The following MAP1S variants were observed in gnomAD, a reference collection of about 807,000 sequenced individuals.
MAP1S encodes the protein microtubule-associated protein 1S.
In MAP1S, 27 loss-of-function variants were observed where a neutral mutation model predicts 60.9. The ratio of observed to expected loss-of-function variants is 0.44; its 90% CI spans 0.33 to 0.61. The LOEUF (loss-of-function observed/expected upper bound fraction) is 0.61, where lower values mean the gene tolerates loss of function less well. Ranked by LOEUF, MAP1S falls within the 20% of genes least tolerant of loss-of-function variation. MAP1S has a pLI of 0.03. For missense variants in MAP1S, 1,608 were observed against 1,486.6 expected (o/e 1.08, Z -1.34); for synonymous variants, 826 against 694.2 (o/e 1.19, Z -2.98).
At chr19:17,719,935 C>T (rs912039686) in intron 1 of MAP1S, 4 of 192,532 alleles carry the variant, frequency 2.1e-5, no homozygotes, top group Admixed American at 6.5e-5. Context: ...TGGACCACGG[C>T]TCCGCTTCCC....
In MAP1S at chr19:17,726,677, G is replaced by A. The variant is rs1427367172; in HGVS notation, c.1293G>A (p.Leu431=). Reference sequence around the variant, plus strand: ...CCGGCGAGAAGGTGGTGCGCGTGCTGTTCCCCGGTTGCACCCCGCCCGCCT... The same window carrying A: ...CCGGCGAGAAGGTGGTGCGCGTGCTATTCCCCGGTTGCACCCCGCCCGCCT... ...AGPGEKVVRV[L]FPGCTPPACL... Residue 431 remains leucine (L), a synonymous_variant, in exon 5 of 7, where the codon CTG becomes CTA. Transcript: ENST00000324096. 6.3e-7 allele frequency: 1 copy of A among 1,583,496 alleles called. No homozygotes were observed.
rs746567770 is a variant in MAP1S, at chr19:17,726,922, G to C, written c.1538G>C (p.Arg513Pro). ...RKEPARAEAP[R>P]KTEKEAKTPR... is the part of the protein sequence containing the mutation. Reference sequence around the variant, plus strand: ...GAGCCAGCACGGGCTGAGGCCCCACGCAAGACTGAGAAAGAAGCCAAGACC... The same window carrying C: ...GAGCCAGCACGGGCTGAGGCCCCACCCAAGACTGAGAAAGAAGCCAAGACC... Residue 513 changes from arginine to proline, a missense_variant, in exon 5 of 7, where the codon CGC becomes CCC. Around this residue, in one of 4 missense-constraint regions of MAP1S, gnomAD observed 1,167 missense variants for 961.4 expected, o/e 1.21. Transcript: ENST00000324096. 5.1e-6 allele frequency: 8 copies of C among 1,566,530 alleles called. No homozygotes were observed. The highest frequency in any genetic ancestry group is 4.7e-5 in the East Asian group (2 of 42,404).
At chr19:17,728,202 G>C (rs1158991301) in intron 5 of MAP1S, 30 bp downstream of exon 5, 1 of 1,534,220 alleles carries the variant, frequency 6.5e-7, no homozygotes, top group South Asian at 1.3e-5. Flanking sequence ...CCCTGGGCTG[G>C]GTTAGCAGCT....
chr19:17,731,393 C>G (rs746512180), intron 5 of MAP1S, among the ~76,000 whole-genome samples: 1 of 152,192 alleles, frequency 6.6e-6, no homozygotes, highest in Non-Finnish European at 1.5e-5. Context: ...GTTTGGAACG[C>G]TTGTTGAAGA....
At chr19:17,720,565 G>GCCCTTCCCCCTC in intron 1 of MAP1S, 1 of 1,430,268 alleles carries the variant, frequency 7.0e-7, no homozygotes, top group Non-Finnish European at 9.2e-7. Flanking sequence ...TGCTGAGGGG[G>GCCCTTCCCCCTC]AAGGGCCCCC....
Position 17,727,640 on chromosome 19 carries a change from A to G in MAP1S, c.2256A>G (p.Pro752=). ...AATTTGAGCATCGCAAGGCGGTGCC[A>G]ATGGCACCGGCACCTGCGTCCCCCG... ...PCEFEHRKAV[P]MAPAPASPGS... Residue 752 remains proline, a synonymous_variant, in exon 5 of 7, where the codon CCA becomes CCG. Coordinates refer to ENST00000324096, the MANE Select transcript of MAP1S (RefSeq NM_018174.6). This position sits in a 1 kb window ranked among gnomAD's most constrained non-coding sequence, Gnocchi z 4.1. The G allele has an allele frequency of 6.2e-7, 1 of 1,608,300 alleles. No homozygotes were observed. Among genetic ancestry groups the G allele is most frequent in the Non-Finnish European group, 8.5e-7 (1 of 1,179,694 alleles).
intron 1 of MAP1S, 141 bp downstream of exon 1, chr19:17,719,761 G>C (rs1283859748): frequency 1.3e-5 from 3 of 229,524 alleles, no homozygotes; most frequent in Non-Finnish European, 2.2e-5. Flanking sequence ...CCTGGGGCTG[G>C]GTCCCCTTCA....
Position 17,726,437 on chromosome 19 carries a change from C to A in MAP1S, c.1053C>A (p.Gly351=). The stretch of plus-strand genomic sequence containing the variant: ...AGGCCGCGTCGCGGCTGGCGCGCGG[C>A]GAGGATGAGGCGGAGCTGGCGCTGA... ...ACEAASRLAR[G]EDEAELALSL... The change falls in exon 5 of 7, where the codon GGC becomes GGA. Residue 351 remains glycine, a synonymous_variant. Transcript: ENST00000324096. 1 of 1,560,226 alleles carries A rather than the reference C, an allele frequency of 6.4e-7. No individual in the cohort carries two copies.
At position 17,726,046 on chromosome 19, in the gene MAP1S, C is replaced by G. The variant is rs371569050; in HGVS notation, c.662C>G (p.Pro221Arg). The change falls in exon 5 of 7, where the codon CCG (proline) becomes CGG (arginine). Residue 221 changes from proline to arginine, a missense_variant. Physicochemically the swap from Pro to Arg is moderately radical, Grantham distance 103. This residue lies in a region of MAP1S where 320 missense variants were observed against 393.1 expected (regional missense o/e 0.81). Coordinates refer to ENST00000324096, the MANE Select transcript of MAP1S (RefSeq NM_018174.6). ...TACGTGGCTGAGTCTCTGGAGCCAC[C>G]GTCCCCCTTCGAGCTGCTGGAGCCC... is the stretch of plus-strand genomic sequence containing the variant. ...LEYVAESLEP[P>R]SPFELLEPPT... The G allele has an allele frequency of 1.2e-6, 2 of 1,613,270 alleles. No homozygotes were observed. The highest frequency in any genetic ancestry group is 1.7e-6 in the Non-Finnish European group (2 of 1,179,780).
Position 17,733,340 on chromosome 19 carries a change from G to C in MAP1S, c.2936G>C (p.Ser979Thr). ...QRVRALCYVISGQDQRKEEGM... is the reference protein window; with the variant it reads ...QRVRALCYVITGQDQRKEEGM... ...GTGCGCGCGCTCTGCTACGTCATCA[G>C]TGGCCAGGACCAGCGCAAGGAGGAA... The change falls in exon 6 of 7, where the codon AGT (serine) becomes ACT (threonine). Residue 979 changes from serine to threonine, a missense_variant. Ser to Thr is a moderately conservative substitution (Grantham distance 58). Coordinates refer to ENST00000324096, the MANE Select transcript of MAP1S (RefSeq NM_018174.6). The C allele has an allele frequency of 6.2e-7, 1 of 1,609,872 alleles. No homozygotes were observed. Among genetic ancestry groups the C allele is most frequent in the Non-Finnish European group, 8.5e-7 (1 of 1,178,808 alleles).
chr19:17,723,730 G>C (rs1214119634), intron 2 of MAP1S, among the ~76,000 whole-genome samples: 1 of 149,322 alleles, frequency 6.7e-6, no homozygotes, highest in African/African-American at 2.5e-5. Flanking sequence ...GGCACCTGTA[G>C]TCCTGGCTAC....
intron 5 of MAP1S, 57 bp downstream of exon 5, chr19:17,728,229 A>G (rs562274168): frequency 2.6e-5 from 39 of 1,487,960 alleles, no homozygotes; most frequent in Admixed American, 1.9e-4. Context: ...GCTGGAGAGC[A>G]TAGCTCGTCC....
At chr19:17,721,956 T>G (rs969557794) in intron 2 of MAP1S, among the ~76,000 whole-genome samples, 22 of 152,096 alleles carry the variant, frequency 1.4e-4, no homozygotes, top group African/African-American at 2.9e-4. Flanking sequence ...GATGGTCTCT[T>G]GAGTCACCTC....
chr19:17,733,552 G>A (rs1181702050), intron 6 of MAP1S, 124 bp downstream of exon 6: 2 of 747,238 alleles, frequency 2.7e-6, no homozygotes, highest in Non-Finnish European at 4.2e-6. Flanking sequence ...GAATGTGGGA[G>A]TCTCACATGG....
chr19:17,733,064 C>T (rs1405768268), intron 5 of MAP1S, 129 bp from the exon 6 acceptor site: 4 of 616,036 alleles, frequency 6.5e-6, no homozygotes, highest in Admixed American at 6.1e-5. Context: ...CAGGCCTCCC[C>T]AGAAAACTCT....
At chr19:17,720,664 C>A in intron 1 of MAP1S, 1 of 698,924 alleles carries the variant, frequency 1.4e-6, no homozygotes, top group Non-Finnish European at 2.3e-6. Context: ...GGAAACGGGT[C>A]TGGCAGGGCA....
Position 17,727,312 on chromosome 19 carries a change from C to T in MAP1S, c.1928C>T (p.Ser643Phe). Residue 643 changes from serine (S) to phenylalanine (F), a missense_variant, in exon 5 of 7, where the codon TCC (serine) becomes TTC (phenylalanine). Physicochemically the swap from Ser to Phe is radical, Grantham distance 155. Around this residue, in one of 4 missense-constraint regions of MAP1S, gnomAD observed 1,167 missense variants for 961.4 expected, o/e 1.21. Coordinates refer to ENST00000324096, the MANE Select transcript of MAP1S (RefSeq NM_018174.6). The surrounding 1 kb of genome is among the most constrained non-coding windows in gnomAD (Gnocchi z 4.1). The stretch of plus-strand genomic sequence containing the variant: ...AGGCCACGCACACCCTCCCCTGAGT[C>T]CCACCGGAGCCCCGCAGAGGGCAGC... Reference protein sequence around the residue: ...IPRPRTPSPESHRSPAEGSER... With the variant: ...IPRPRTPSPEFHRSPAEGSER... The T allele has an allele frequency of 1.9e-6, 3 of 1,591,276 alleles. No homozygotes were observed. Among genetic ancestry groups the T allele is most frequent in the African/African-American group, 1.3e-5 (1 of 74,644 alleles).
At position 17,734,345 on chromosome 19, in the gene MAP1S, G is replaced by C. The variant is rs781283707; in HGVS notation, c.3097G>C (p.Ala1033Pro). The C allele has an allele frequency of 5.0e-6, 8 of 1,613,868 alleles. No individual in the cohort carries two copies. The South Asian group carries it at 7.7e-5, about 16-fold the overall frequency. The change falls in exon 7 of 7, where the codon GCG (alanine) becomes CCG (proline). Residue 1033 changes from alanine (A) to proline (P), a missense_variant. Around this residue, in one of 4 missense-constraint regions of MAP1S, gnomAD observed 76 missense variants for 110.1 expected, o/e 0.69. Transcript: ENST00000324096. ...WYAETHARHQ[A>P]LGITVLGSNS... Reference sequence around the variant, plus strand: ...CGCAGAGACGCACGCCCGGCACCAGGCGCTGGGCATCACGGTGTTGGGCAG... The same window carrying C: ...CGCAGAGACGCACGCCCGGCACCAGCCGCTGGGCATCACGGTGTTGGGCAG...
Position 17,733,150 on chromosome 19 carries a change from GCCCCAGGAGCTCATCCCTGCCTCCCCAT to G in MAP1S, c.2789-38_2789-11del. The G allele has an allele frequency of 7.7e-7, 1 of 1,302,056 alleles. No individual in the cohort carries two copies. The highest frequency in any genetic ancestry group is 1.1e-6 in the Non-Finnish European group (1 of 946,294). 80.7% of individuals were successfully genotyped at this position (1,302,056 alleles called of 1,614,324 possible). ...AACTTGGAGCCTCGGCCCCTCCCCA[GCCCCAGGAGCTCATCCCTGCCTCCCCAT>G]CCCCCCGCCCGCAGGGTCAGCCAGC... On this transcript the variant is annotated splice_polypyrimidine_tract_variant and intron_variant, in intron 5 of 6. Transcript: ENST00000324096.
Sources: gnomAD v4.1 joint callset for allele counts (sites outside exome capture counted in the v4.1 genomes callset) on GRCh38, gnomAD v4.1.1 for gene constraint, gnomAD v4.1.1 regional missense constraint, Gnocchi (gnomAD v3.1) non-coding constraint, MANE v1.5 for transcripts, NCBI Gene and HGNC (gene_info 2026-07-23, HGNC 2026-07-21) for gene names.